MECOM: variants seen among roughly 807,000 people sequenced by gnomAD.
The protein encoded by MECOM is histone-lysine N-methyltransferase MECOM.
In MECOM, 13 loss-of-function variants were observed where a neutral mutation model predicts 116.3. That is an observed-to-expected ratio of 0.11 (90% CI 0.07 to 0.18). The LOEUF (loss-of-function observed/expected upper bound fraction) is 0.18. MECOM is among the 10% of genes least tolerant of loss of function. The pLI is 1.00. For synonymous variants in MECOM, 528 were observed against 535.2 expected, an observed-to-expected ratio of 0.99 and a Z score of 0.19; for missense variants, 1,299 against 1,509.0, an observed-to-expected ratio of 0.86 and a Z score of 2.31.
intron 2 of MECOM, among the ~76,000 whole-genome samples, chr3:169,262,637 GC>G (rs551156531): frequency 7.2e-5 from 11 of 152,180 alleles, no homozygotes; most frequent in African/African-American, 2.6e-4. Flanking sequence ...GAACTTAGAA[GC>G]CTTTTATTGC....
chr3:169,123,380 A>C (rs1387893015), intron 5 of MECOM, among the ~76,000 whole-genome samples: 1 of 151,644 alleles, frequency 6.6e-6, no homozygotes, highest in Non-Finnish European at 1.5e-5. Flanking sequence ...GGAGCAAAAA[A>C]GTGTGTAATA....
chr3:169,212,305 C>T (rs1750825380), intron 2 of MECOM, among the ~76,000 whole-genome samples: 1 of 151,992 alleles, frequency 6.6e-6, no homozygotes, highest in African/African-American at 2.4e-5. Flanking sequence ...ATGCCATCCC[C>T]TGTTAAAATG....
intron 3 of MECOM, among the ~76,000 whole-genome samples, chr3:169,134,947 T>C (rs918798915): frequency 6.6e-6 from 1 of 152,124 alleles, no homozygotes; most frequent in Non-Finnish European, 1.5e-5. Flanking sequence ...TTTTATGTTA[T>C]AAAATAGATC....
At chr3:169,270,873 A>G (rs1758858964) in intron 2 of MECOM, among the ~76,000 whole-genome samples, 1 of 152,230 alleles carries the variant, frequency 6.6e-6, no homozygotes, top group South Asian at 2.1e-4. Context: ...TTGAAGCTAT[A>G]AGAAAAGTGA....
intron 1 of MECOM, among the ~76,000 whole-genome samples, chr3:169,408,313 T>C (rs1246356519): frequency 6.6e-6 from 1 of 152,090 alleles, no homozygotes; most frequent in Non-Finnish European, 1.5e-5. Flanking sequence ...CAATGTATAA[T>C]CAGTACAGCA....
chr3:169,396,000 C>T (rs1414686221), intron 1 of MECOM, among the ~76,000 whole-genome samples: 1 of 152,074 alleles, frequency 6.6e-6, no homozygotes, highest in Non-Finnish European at 1.5e-5. Flanking sequence ...AGTCCAGAAA[C>T]TATAGAAGCT....
At chr3:169,324,945 A>G (rs755327104) in intron 2 of MECOM, among the ~76,000 whole-genome samples, 14 of 152,140 alleles carry the variant, frequency 9.2e-5, no homozygotes, top group Non-Finnish European at 2.1e-4. Context: ...TACAGATTGA[A>G]GTTACCTTGC....
intron 2 of MECOM, among the ~76,000 whole-genome samples, chr3:169,240,902 T>C (rs549409881): frequency 2.2e-4 from 34 of 152,284 alleles, no homozygotes; most frequent in African/African-American, 7.5e-4. Flanking sequence ...GCTTAAACAG[T>C]AAGCACAAAC....
At chr3:169,537,422 C>T (rs190405433) in intron 1 of MECOM, among the ~76,000 whole-genome samples, 12 of 152,294 alleles carry the variant, frequency 7.9e-5, no homozygotes, top group Admixed American at 2.6e-4. Context: ...TGAACCTCAA[C>T]GTACACATCC....
intron 2 of MECOM, among the ~76,000 whole-genome samples, chr3:169,223,292 C>A (rs1441568401): frequency 9.8e-6 from 1 of 102,462 alleles, no homozygotes; most frequent in Non-Finnish European, 1.9e-5. Context: ...CCCCTCCCCC[C>A]ACCCCACAAC....
At chr3:169,404,589 G>GC in intron 1 of MECOM, among the ~76,000 whole-genome samples, 1 of 152,306 alleles carries the variant, frequency 6.6e-6, no homozygotes, top group East Asian at 1.9e-4. Flanking sequence ...GGAGGGGGAA[G>GC]CCCCCCAAGC....
At chr3:169,436,769 T>C (rs1742733504) in intron 1 of MECOM, among the ~76,000 whole-genome samples, 1 of 152,180 alleles carries the variant, frequency 6.6e-6, no homozygotes, top group Non-Finnish European at 1.5e-5. Context: ...TCAATGTTAT[T>C]TATATTGAAA....
chr3:169,251,178 G>A (rs1178798807), intron 2 of MECOM, among the ~76,000 whole-genome samples: 2 of 152,084 alleles, frequency 1.3e-5, no homozygotes, highest in African/African-American at 4.8e-5. Flanking sequence ...GTCTACTCTG[G>A]GGACATTTGG....
chr3:169,153,851 G>A (rs1045323060), intron 2 of MECOM, among the ~76,000 whole-genome samples: 1 of 152,160 alleles, frequency 6.6e-6, no homozygotes, highest in African/African-American at 2.4e-5. Flanking sequence ...CATGGGAACA[G>A]GTCAAAATAC....
chr3:169,180,343 T>A (rs1291931978), intron 2 of MECOM, among the ~76,000 whole-genome samples: 1 of 152,096 alleles, frequency 6.6e-6, no homozygotes, highest in Non-Finnish European at 1.5e-5. Context: ...TTAATATATA[T>A]ATAGACACAC....
chr3:169,303,939 A>G (rs1250544058), intron 2 of MECOM, among the ~76,000 whole-genome samples: 1 of 152,250 alleles, frequency 6.6e-6, no homozygotes, highest in Non-Finnish European at 1.5e-5. Context: ...AGAGAGGGTC[A>G]TGAGAACTCC....
intron 7 of MECOM, among the ~76,000 whole-genome samples, chr3:169,119,861 G>A (rs1032210198): frequency 6.6e-6 from 1 of 152,022 alleles, no homozygotes; most frequent in South Asian, 2.1e-4. Context: ...TAATCTGCTA[G>A]TCCTCTTCAC....
intron 1 of MECOM, among the ~76,000 whole-genome samples, chr3:169,567,518 A>G (rs999852019): frequency 6.6e-6 from 1 of 152,344 alleles, no homozygotes; most frequent in East Asian, 1.9e-4. Context: ...GAAAACAGGG[A>G]GTAAAGCAAC....
At chr3:169,380,063 A>T (rs1481015790) in intron 2 of MECOM, among the ~76,000 whole-genome samples, 3 of 152,168 alleles carry the variant, frequency 2.0e-5, no homozygotes, top group African/African-American at 7.2e-5. Context: ...TGGCATTTTG[A>T]ACAGATTTCA....
Sources: gnomAD v4.1 joint callset for allele counts (sites outside exome capture counted in the v4.1 genomes callset) on GRCh38, gnomAD v4.1.1 for gene constraint, MANE v1.5 for transcripts, NCBI Gene and HGNC (gene_info 2026-07-23, HGNC 2026-07-21) for gene names.